Variants in NRAP observed in about 807,000 individuals in gnomAD.
NRAP encodes nebulin-related-anchoring protein.
A neutral mutation model predicts 225.9 loss-of-function variants in NRAP; 189 were observed. That is an observed-to-expected ratio of 0.84 (90% CI 0.74 to 0.94). NRAP has a LOEUF of 0.94. Among genes scored for constraint, NRAP ranks in the 40% least tolerant of loss-of-function variants. The pLI, the probability that NRAP is intolerant of heterozygous loss-of-function variation, is 0.00. For missense variants in NRAP, 2,176 were observed against 2,168.7 expected, an observed-to-expected ratio of 1.00 and a Z score of -0.07; for synonymous variants, 769 against 790.7, an observed-to-expected ratio of 0.97 and a Z score of 0.46.
At position 113,592,169 on chromosome 10, in the gene NRAP, G is replaced by A. The variant is rs145876516; in HGVS notation, c.4644+25C>T. 1.6e-3 allele frequency: 2,378 copies of A among 1,441,328 alleles called. 33 individuals carry two copies. In the African/African-American group the frequency reaches 0.029, roughly 17 times the overall value. 89.3% of individuals were successfully genotyped at this position (1,441,328 alleles called of 1,614,324 possible). ...ACCAGAGAAAAACTCATCAGTGACC[G>A]CAGGAGAGAACATGGGGGTCTTACA... On this transcript the variant is annotated intron_variant, in intron 39 of 41. Coordinates refer to ENST00000359988, the MANE Select transcript of NRAP (RefSeq NM_198060.4).
rs146272057 is a variant in NRAP at position 113,616,965 on chromosome 10, A to C, written c.2973+490T>G. ...GGTCAAATCTTGGTTTTGCATCATA[A>C]AGGAGTATGGGAAATGGCTTGAAAG... On this transcript the variant is annotated intron_variant, in intron 26 of 41. Transcript: ENST00000359988. Among the ~76,000 whole-genome samples, 17 of 152,260 alleles carry C rather than the reference A, an allele frequency of 1.1e-4. No individual in the cohort carries two copies. The East Asian group carries it at 2.5e-3, about 23-fold the overall frequency.
Position 113,604,702 on chromosome 10 carries a change from G to C in NRAP, c.4134C>G (p.Asp1378Glu), listed in dbSNP as rs1241940475. 6.2e-7 allele frequency: 1 copy of C among 1,614,196 alleles called. No homozygotes were observed. Among genetic ancestry groups the C allele is most frequent in the East Asian group, 2.2e-5 (1 of 44,878 alleles). ...TGTGATACTGTGTCCTGTAGTCGTG[G>C]TCGCTGGCCAGAGCCTGGGCATTCT... ...HAKNAQALAS[D>E]HDYRTQYHKF... Residue 1378 changes from aspartate to glutamate, a missense_variant, in exon 35 of 42, where the codon GAC (aspartate) becomes GAG (glutamate). By Grantham distance (45) the Asp-to-Glu change is conservative (BLOSUM62 2). Coordinates refer to ENST00000359988, the MANE Select transcript of NRAP (RefSeq NM_198060.4).
Position 113,629,779 on chromosome 10 carries a change from A to G in NRAP, c.1849T>C (p.Tyr617His), listed in dbSNP as rs984382724. The G allele has an allele frequency of 6.2e-7, 1 of 1,611,440 alleles. No individual in the cohort carries two copies. The highest frequency in any genetic ancestry group is 8.5e-7 in the Non-Finnish European group (1 of 1,177,512). ...QIAKMSSEVE[Y>H]KKGFEESKTR... ...TTACTCTCTTCAAAGCCTTTCTTAT[A>G]TTCAACCTTGAATATACCAAAACAA... The change falls in exon 19 of 42, where the codon TAT becomes CAT. Residue 617 changes from tyrosine to histidine, a missense_variant. Transcript: ENST00000359988.
chr10:113,616,758 GAAGGTATTT>G (rs906926270), intron 26 of NRAP, among the ~76,000 whole-genome samples: 31 of 152,300 alleles, frequency 2.0e-4, no homozygotes, highest in African/African-American at 7.5e-4. Context: ...TGAATGGTTT[GAAGGTATTT>G]AAAAGCCAGG....
intron 37 of NRAP, 27 bp downstream of exon 37, chr10:113,597,059 C>T (rs576964635): frequency 2.2e-5 from 33 of 1,484,714 alleles, no homozygotes; most frequent in African/African-American, 1.8e-4. Context: ...ACTGCATGCC[C>T]GGGATGAATG....
intron 14 of NRAP, among the ~76,000 whole-genome samples, chr10:113,637,577 C>T (rs1038677449): frequency 2.0e-5 from 3 of 152,290 alleles, no homozygotes; most frequent in Non-Finnish European, 2.9e-5. Flanking sequence ...CTAGAAATAA[C>T]GAAGTGCTCC....
At chr10:113,621,314 T>TACAC (rs5788033) in intron 24 of NRAP, among the ~76,000 whole-genome samples, 20,965 of 150,874 alleles carry the variant, frequency 0.14, 1,582 homozygotes, top group African/African-American at 0.22. Flanking sequence ...AGGGTGTGTC[T>TACAC]ACACACACAC....
intron 38 of NRAP, among the ~76,000 whole-genome samples, chr10:113,593,288 G>A (rs945352036): frequency 4.6e-5 from 7 of 152,172 alleles, no homozygotes; most frequent in African/African-American, 1.7e-4. Context: ...GGTCAAGGCT[G>A]GCACTCTGTT....
At chr10:113,644,765 C>A (rs966286818) in intron 11 of NRAP, among the ~76,000 whole-genome samples, 5 of 152,158 alleles carry the variant, frequency 3.3e-5, no homozygotes, top group African/African-American at 1.2e-4. Context: ...GGTAAAGGAC[C>A]AGCTTTTAGA....
At chr10:113,617,922 T>C (rs1487398878) in intron 25 of NRAP, among the ~76,000 whole-genome samples, 1 of 152,150 alleles carries the variant, frequency 6.6e-6, no homozygotes, top group East Asian at 1.9e-4. Flanking sequence ...GCATTCAGAG[T>C]TACATTTATC....
chr10:113,654,507 C>CAAAAAAAAA (rs56238053), intron 4 of NRAP, among the ~76,000 whole-genome samples: 5 of 128,696 alleles, frequency 3.9e-5, no homozygotes, highest in Non-Finnish European at 3.2e-5. Flanking sequence ...GCAATAAAAG[C>CAAAAAAAAA]AAAAAAAAAA....
chr10:113,634,597 C>T (rs551412438), intron 14 of NRAP, among the ~76,000 whole-genome samples: 4 of 152,172 alleles, frequency 2.6e-5, no homozygotes, highest in South Asian at 2.1e-4. Flanking sequence ...ACTCTCACAA[C>T]GGTGCTAGCA....
chr10:113,607,256 G>C (rs1047479236), intron 32 of NRAP, among the ~76,000 whole-genome samples: 7 of 149,836 alleles, frequency 4.7e-5, no homozygotes, highest in Non-Finnish European at 8.9e-5. Context: ...AAAAAAATTA[G>C]CCGGGCATGG....
intron 14 of NRAP, among the ~76,000 whole-genome samples, chr10:113,635,119 A>G (rs1406196329): frequency 1.3e-5 from 2 of 152,240 alleles, no homozygotes; most frequent in African/African-American, 4.8e-5. Flanking sequence ...TTCCCCTTTG[A>G]AAATACAAAT....
In NRAP at chr10:113,616,915, C is replaced by T. The variant is rs372854023; in HGVS notation, c.2973+540G>A. Reference sequence around the variant, plus strand: ...CCGACCCTGCAACCCTGCACCCCAGCCAACCTTTCCCACAGAGGGAAAAGG... The same window carrying T: ...CCGACCCTGCAACCCTGCACCCCAGTCAACCTTTCCCACAGAGGGAAAAGG... On this transcript the variant is annotated intron_variant, in intron 26 of 41. Coordinates refer to ENST00000359988, the MANE Select transcript of NRAP (RefSeq NM_198060.4). Among the ~76,000 whole-genome samples, 306 of 152,238 alleles carry T rather than the reference C, an allele frequency of 2.0e-3. 1 individual carries two copies. The highest frequency in any genetic ancestry group is 5.4e-3 in the South Asian group (26 of 4,806).
chr10:113,592,021 G>A (rs1846020521), intron 39 of NRAP, among the ~76,000 whole-genome samples, 173 bp downstream of exon 39: 2 of 152,144 alleles, frequency 1.3e-5, no homozygotes, highest in Admixed American at 1.3e-4. Flanking sequence ...TGCCTAAGAT[G>A]CTAGAAAGTA....
chr10:113,594,079 C>T (rs1442896654), intron 38 of NRAP, among the ~76,000 whole-genome samples: 2 of 152,156 alleles, frequency 1.3e-5, no homozygotes, highest in Admixed American at 6.5e-5. Flanking sequence ...CTTTAGATTC[C>T]GTAGGCGCTT....
At chr10:113,605,011 G>A in intron 34 of NRAP, 91 bp from the exon 35 acceptor site, 1 of 1,437,488 alleles carries the variant, frequency 7.0e-7, no homozygotes. Flanking sequence ...AGGAGGTGAT[G>A]ATTATAAGAA....
At chr10:113,627,350 A>C (rs572690005) in intron 20 of NRAP, among the ~76,000 whole-genome samples, 137 of 152,324 alleles carry the variant, frequency 9.0e-4, no homozygotes, top group African/African-American at 3.2e-3. Flanking sequence ...CAGAGCACAG[A>C]AGGAACATAA....
Sources: allele counts gnomAD v4.1 joint callset (sites outside exome capture counted in the v4.1 genomes callset), GRCh38; gene constraint gnomAD v4.1.1; transcripts MANE v1.5; gene names NCBI Gene and HGNC (gene_info 2026-07-23, HGNC 2026-07-21).